The following CAPZA1 variants were observed in gnomAD, a reference collection of about 807,000 sequenced individuals.
The protein encoded by CAPZA1 is capping actin protein of muscle Z-line subunit alpha 1.
In CAPZA1, 10 loss-of-function variants were observed where a neutral mutation model predicts 40.8. The ratio of observed to expected loss-of-function variants is 0.25; its 90% CI spans 0.15 to 0.42. CAPZA1 has a LOEUF of 0.42. Among genes scored for constraint, CAPZA1 ranks in the 10% least tolerant of loss-of-function variants. The pLI is 1.00. For synonymous variants in CAPZA1, 98 were observed against 115.0 expected (o/e 0.85, Z 0.95); for missense variants, 277 against 353.8 (o/e 0.78, Z 1.74).
At chr1:112,643,884 G>A (rs539417562) in intron 1 of CAPZA1, among the ~76,000 whole-genome samples, 11 of 149,748 alleles carry the variant, frequency 7.3e-5, no homozygotes, top group South Asian at 6.2e-4. Context: ...TCACTCTGTC[G>A]CCCAAGCTGG....
At position 112,653,574 on chromosome 1, in the gene CAPZA1, TAA is replaced by T. The variant is rs66520135; in HGVS notation, c.156-19_156-18del. On this transcript the variant is annotated intron_variant, in intron 3 of 9. Coordinates refer to ENST00000263168, the MANE Select transcript of CAPZA1 (RefSeq NM_006135.3). ...CTCTCCCTCTTTTTTTTTTTTTTTT[TAA>T]AAAACTTTTAAAAAAAAACAGTGCA... 2.3e-3 allele frequency: 2,621 copies of T among 1,126,652 alleles called. 7 individuals carry two copies. The highest frequency in any genetic ancestry group is 4.1e-3 in the South Asian group (259 of 62,480). 69.8% of individuals were successfully genotyped at this position (1,126,652 alleles called of 1,614,324 possible).
chr1:112,629,626 C>T (rs1206237554), intron 1 of CAPZA1, among the ~76,000 whole-genome samples: 1 of 152,214 alleles, frequency 6.6e-6, no homozygotes, highest in Non-Finnish European at 1.5e-5. Flanking sequence ...GACTCCAGTA[C>T]TTCTGTATTA....
chr1:112,619,929 C>T lies in CAPZA1; in HGVS notation c.39+46C>T, dbSNP rs368745152. 13 of 1,525,852 alleles carry T rather than the reference C, an allele frequency of 8.5e-6. No individual in the cohort carries two copies. In the African/African-American group the frequency reaches 1.2e-4, roughly 14 times the overall value. The allele number at this position is 1,525,852 out of a possible 1,614,324, so 94.5% of individuals were successfully genotyped here. ...TCTTACCTCCTCCCCCGACAGGGAACTGGGGCCCGGCCCGGCTGCGTTGGG... is the reference window on the plus strand; with the variant it reads ...TCTTACCTCCTCCCCCGACAGGGAATTGGGGCCCGGCCCGGCTGCGTTGGG... On this transcript the variant is annotated intron_variant, in intron 1 of 9. Coordinates refer to ENST00000263168, the MANE Select transcript of CAPZA1 (RefSeq NM_006135.3).
intron 2 of CAPZA1, 38 bp from the exon 3 acceptor site, chr1:112,649,380 T>C (rs1237544533): frequency 3.3e-6 from 5 of 1,516,250 alleles, no homozygotes; most frequent in Non-Finnish European, 4.5e-6. Flanking sequence ...TTCTCAAATT[T>C]ATCCTCCACT....
intron 1 of CAPZA1, among the ~76,000 whole-genome samples, chr1:112,627,868 G>A (rs1341338723): frequency 6.6e-6 from 1 of 151,766 alleles, no homozygotes; most frequent in Non-Finnish European, 1.5e-5. Flanking sequence ...GCTGAGGCAG[G>A]AGAATAGCTT....
intron 1 of CAPZA1, among the ~76,000 whole-genome samples, chr1:112,638,695 G>A (rs1050538673): frequency 3.3e-5 from 5 of 151,570 alleles, no homozygotes; most frequent in Admixed American, 3.3e-4. Flanking sequence ...AGCACTTTGG[G>A]AGACTGAAGC....
chr1:112,655,940 A>G (rs1671491632), intron 5 of CAPZA1, among the ~76,000 whole-genome samples: 1 of 152,184 alleles, frequency 6.6e-6, no homozygotes, highest in South Asian at 2.1e-4. Flanking sequence ...AAATTATGGC[A>G]TATTAAGAAA....
chr1:112,631,813 AT>A (rs1670922636), intron 1 of CAPZA1, among the ~76,000 whole-genome samples: 1 of 151,914 alleles, frequency 6.6e-6, no homozygotes, highest in South Asian at 2.1e-4. Context: ...CCTTGTGGGT[AT>A]TTTTTTAAGC....
intron 1 of CAPZA1, among the ~76,000 whole-genome samples, chr1:112,632,645 G>GTGT (rs1359629883): frequency 2.0e-5 from 3 of 152,194 alleles, no homozygotes; most frequent in African/African-American, 7.2e-5. Context: ...GCCATTCCAT[G>GTGT]TGTTGTGAGA....
In CAPZA1 at chr1:112,670,160, T is replaced by C. The variant is rs551198154; in HGVS notation, c.*28T>C. 112 of 1,612,448 alleles carry C rather than the reference T, an allele frequency of 6.9e-5. 2 individuals carry two copies. In the Middle Eastern group the frequency reaches 2.1e-3, roughly 31 times the overall value. ...GCTGAATGTAGGATTCTTCAGTATG[T>C]GGAAAGACAAGGATTCAACGTGTGG... On this transcript the variant is annotated 3_prime_UTR_variant, in exon 10 of 10. Coordinates refer to ENST00000263168, the MANE Select transcript of CAPZA1 (RefSeq NM_006135.3).
chr1:112,638,995 TTA>T (rs904214937), intron 1 of CAPZA1, among the ~76,000 whole-genome samples: 48 of 148,134 alleles, frequency 3.2e-4, no homozygotes, highest in Admixed American at 3.0e-3. Context: ...TAATATATAA[TTA>T]TATATTATAT....
chr1:112,628,117 G>C (rs1670851519), intron 1 of CAPZA1, among the ~76,000 whole-genome samples: 1 of 152,192 alleles, frequency 6.6e-6, no homozygotes, highest in Admixed American at 6.5e-5. Context: ...AAACTTTACA[G>C]TATGACAGTA....
rs1362683161 is a variant in CAPZA1, at chr1:112,670,904, A to G, written c.*772A>G. 6.6e-6 allele frequency: 1 copy of G among 152,630 alleles called. No individual in the cohort carries two copies. The highest frequency in any genetic ancestry group is 1.9e-4 in the East Asian group (1 of 5,202). The allele number at this position is 152,630 out of a possible 1,614,324, so 9.5% of individuals were successfully genotyped here. ...CATTTATTTTTTTAAACATTCAAGA[A>G]CTGCTGACGTACTGTGGATGTAGAG... On this transcript the variant is annotated 3_prime_UTR_variant, in exon 10 of 10. Transcript: ENST00000263168.
rs1228191918 is a variant in CAPZA1, at chr1:112,667,060, A to G, written c.586-14A>G. The G allele has an allele frequency of 6.3e-7, 1 of 1,599,260 alleles. No homozygotes were observed. The highest frequency in any genetic ancestry group is 8.5e-7 in the Non-Finnish European group (1 of 1,171,870). ...GAACTTCCCCTAAAAAGGCTCAAAC[A>G]TTGTCTCACACAGGTTCACTATTAT... On this transcript the variant is annotated splice_polypyrimidine_tract_variant and intron_variant, in intron 7 of 9. Transcript: ENST00000263168.
At chr1:112,653,148 A>C (rs1426934605) in intron 3 of CAPZA1, among the ~76,000 whole-genome samples, 4 of 152,244 alleles carry the variant, frequency 2.6e-5, no homozygotes, top group Non-Finnish European at 5.9e-5. Flanking sequence ...AATTGTTGGC[A>C]GTTCACAATA....
chr1:112,641,092 C>G (rs934930797), intron 1 of CAPZA1, among the ~76,000 whole-genome samples: 1 of 151,650 alleles, frequency 6.6e-6, no homozygotes, highest in African/African-American at 2.4e-5. Flanking sequence ...TGCGGAAGGC[C>G]GCAGGGTCCT....
intron 6 of CAPZA1, 168 bp from the exon 7 acceptor site, chr1:112,659,533 A>T (rs1671560403): frequency 3.4e-6 from 2 of 596,796 alleles, no homozygotes; most frequent in Non-Finnish European, 5.9e-6. Context: ...CTTACATTTG[A>T]GTAGACAGAG....
At chr1:112,623,941 G>A (rs1670739851) in intron 1 of CAPZA1, among the ~76,000 whole-genome samples, 2 of 134,964 alleles carry the variant, frequency 1.5e-5, no homozygotes, top group Admixed American at 8.7e-5. Flanking sequence ...GGGAGGCAGA[G>A]TTTGCAGTGA....
At chr1:112,662,478 A>C (rs1671636596) in intron 7 of CAPZA1, among the ~76,000 whole-genome samples, 1 of 137,908 alleles carries the variant, frequency 7.3e-6, no homozygotes, top group East Asian at 2.2e-4. Context: ...GGCTCACTGC[A>C]AGCTCCACCT....
Sources: allele counts gnomAD v4.1 joint callset (sites outside exome capture counted in the v4.1 genomes callset), GRCh38; gene constraint gnomAD v4.1.1; transcripts MANE v1.5; gene names NCBI Gene and HGNC (gene_info 2026-07-23, HGNC 2026-07-21).